MX1: variants seen among roughly 807,000 people sequenced by gnomAD.
MX1 encodes MX dynamin like GTPase 1.
In MX1, 66 loss-of-function variants were observed where a neutral mutation model predicts 66.4. The observed-to-expected ratio is 0.99, with a 90% CI of 0.82 to 1.22. MX1 has a LOEUF of 1.22. MX1 is among the 50% of genes most tolerant of loss of function. The pLI is 0.00. For missense variants in MX1, 787 were observed against 834.3 expected, an observed-to-expected ratio of 0.94 and a Z score of 0.70; for synonymous variants, 311 against 318.1, an observed-to-expected ratio of 0.98 and a Z score of 0.24.
chr21:41,443,287 G>A (rs1194100609), intron 10 of MX1, among the ~76,000 whole-genome samples: 3 of 152,204 alleles, frequency 2.0e-5, no homozygotes, highest in Non-Finnish European at 2.9e-5. Flanking sequence ...GATCGAGTGA[G>A]AAGATACTTG....
chr21:41,430,905 T>TTAGAGC (rs1449329709), intron 4 of MX1, among the ~76,000 whole-genome samples: 2 of 152,320 alleles, frequency 1.3e-5, no homozygotes, highest in African/African-American at 4.8e-5. Flanking sequence ...CATAAAAGAT[T>TTAGAGC]TAGAGCTCAC....
chr21:41,435,374 G>A (rs903276709), intron 5 of MX1, among the ~76,000 whole-genome samples: 18 of 152,018 alleles, frequency 1.2e-4, no homozygotes, highest in African/African-American at 4.4e-4. Flanking sequence ...TTCTCTTTTG[G>A]GGATTCCAGT....
At chr21:41,440,521 T>G (rs1296800954) in intron 8 of MX1, among the ~76,000 whole-genome samples, 2 of 152,180 alleles carry the variant, frequency 1.3e-5, no homozygotes, top group African/African-American at 4.8e-5. Context: ...GAAATAGGTA[T>G]AATGATATTT....
At chr21:41,432,198 C>T in intron 5 of MX1, 23 bp downstream of exon 5, 1 of 1,608,772 alleles carries the variant, frequency 6.2e-7, no homozygotes, top group Middle Eastern at 1.7e-4. Context: ...CTGAAAGTCG[C>T]TATCCATGTG....
intron 13 of MX1, among the ~76,000 whole-genome samples, chr21:41,447,001 TG>T (rs1466020531): frequency 6.6e-6 from 1 of 152,202 alleles, no homozygotes; most frequent in African/African-American, 2.4e-5. Context: ...CATCCACTGA[TG>T]AATTGATAAA....
chr21:41,452,954 T>G (rs1369672671), intron 16 of MX1, 85 bp downstream of exon 16: 1 of 1,508,990 alleles, frequency 6.6e-7, no homozygotes, highest in African/African-American at 1.4e-5. Flanking sequence ...GCTCTCTCTG[T>G]AGGTGACGTT....
At chr21:41,455,902 A>G (rs368889394) in intron 16 of MX1, among the ~76,000 whole-genome samples, 30 of 152,338 alleles carry the variant, frequency 2.0e-4, no homozygotes, top group East Asian at 9.6e-4. Flanking sequence ...TTCCTGGTAT[A>G]TTAGGATTGT....
At chr21:41,450,191 T>A (rs2090785655) in intron 14 of MX1, among the ~76,000 whole-genome samples, 1 of 152,246 alleles carries the variant, frequency 6.6e-6, no homozygotes, top group Non-Finnish European at 1.5e-5. Context: ...AATGGTTCCA[T>A]AACTGCACGT....
rs117527116 is a variant in MX1, at chr21:41,432,893, C to T, written c.105+718C>T. Among the ~76,000 whole-genome samples the T allele has an allele frequency of 3.3e-3, 506 of 152,248 alleles. 2 individuals are homozygous for T. The highest frequency in any genetic ancestry group is 4.7e-3 in the Non-Finnish European group (319 of 68,016). On this transcript the variant is annotated intron_variant, in intron 5 of 16. Coordinates refer to ENST00000398598, the MANE Select transcript of MX1 (RefSeq NM_002462.5). ...AAACAATATTCAAAAAACATTGAAG[C>T]GTTTAGAAAAATACAGAGGACCACC...
chr21:41,451,858 A>AAAAAG (rs2090840659), intron 15 of MX1, among the ~76,000 whole-genome samples: 4 of 138,222 alleles, frequency 2.9e-5, no homozygotes, highest in Admixed American at 1.4e-4. Flanking sequence ...AAAACAAACA[A>AAAAAG]AAAAACTTTC....
chr21:41,449,024 C>A, intron 13 of MX1, 113 bp from the exon 14 acceptor site: 98 of 743,328 alleles, frequency 1.3e-4, no homozygotes, highest in Middle Eastern at 4.7e-4. Context: ...TGATTTGATA[C>A]CACTTTTTCT....
In MX1 at chr21:41,440,893, A is replaced by T. The variant is rs867966653; in HGVS notation, c.598A>T (p.Thr200Ser). The T allele has an allele frequency of 1.9e-6, 3 of 1,614,156 alleles. No homozygotes were observed. The highest frequency in any genetic ancestry group is 3.3e-4 in the Middle Eastern group (2 of 6,062). The change falls in exon 9 of 17, where the codon ACA (threonine) becomes TCA (serine). Residue 200 changes from threonine to serine, a missense_variant. By Grantham distance (58) the Thr-to-Ser change is moderately conservative. Transcript: ENST00000398598. ...TCCTCTCATTTCCTTACAGATCAAGACACTCATCAAGAAGTACATCCAGAG... is the reference window on the plus strand; with the variant it reads ...TCCTCTCATTTCCTTACAGATCAAGTCACTCATCAAGAAGTACATCCAGAG... ...QPADIGYKIK[T>S]LIKKYIQRQE... is the part of the protein sequence containing the mutation.
In MX1 at chr21:41,441,906, A is replaced by G; in HGVS notation, c.921A>G (p.Pro307=). 2 of 1,613,992 alleles carry G rather than the reference A, an allele frequency of 1.2e-6. No individual in the cohort carries two copies. The highest frequency in any genetic ancestry group is 1.1e-5 in the South Asian group (1 of 91,080). The change falls in exon 10 of 17, where the codon CCA becomes CCG. Residue 307 remains proline, a synonymous_variant. Transcript: ENST00000398598. This position sits in a 1 kb window ranked among gnomAD's most constrained non-coding sequence, Gnocchi z 4.0. ...QREKIFFENH[P]YFRDLLEEGK... is the part of the protein sequence containing the mutation. The stretch of plus-strand genomic sequence containing the variant: ...AGAAGATCTTCTTTGAGAACCACCC[A>G]TATTTCAGGTGCGCTTGCCTGGGTT...
chr21:41,438,494 C>G (rs747624929), intron 7 of MX1, among the ~76,000 whole-genome samples: 1 of 152,186 alleles, frequency 6.6e-6, no homozygotes, highest in Non-Finnish European at 1.5e-5. Context: ...GAAGGCTAAG[C>G]TGGACTTATC....
intron 11 of MX1, among the ~76,000 whole-genome samples, chr21:41,444,081 T>G (rs2090592185): frequency 6.6e-6 from 1 of 152,122 alleles, no homozygotes; most frequent in African/African-American, 2.4e-5. Context: ...GGGACCACAG[T>G]CAGGGGGAAT....
chr21:41,456,769 GT>G (rs902830407), intron 16 of MX1, among the ~76,000 whole-genome samples: 6 of 150,796 alleles, frequency 4.0e-5, no homozygotes, highest in South Asian at 2.1e-4. Flanking sequence ...TGTTTGTTTG[GT>G]TTTTTTTTGG....
upstream of MX1, among the ~76,000 whole-genome samples, chr21:41,421,680 A>G (rs555471900): frequency 6.6e-6 from 1 of 152,234 alleles, no homozygotes; most frequent in Non-Finnish European, 1.5e-5. Flanking sequence ...GACACAGCAC[A>G]TGTTTCAGAG....
At chr21:41,423,245 G>T (rs745357360), upstream of MX1, 1 of 152,422 alleles carries the variant, frequency 6.6e-6, no homozygotes, top group African/African-American at 2.4e-5. Flanking sequence ...TGTGATGGCG[G>T]CAAACAACAG....
chr21:41,448,813 C>CAAATG (rs1355639061), intron 13 of MX1, among the ~76,000 whole-genome samples: 4 of 151,534 alleles, frequency 2.6e-5, no homozygotes. Flanking sequence ...CACAAACAAA[C>CAAATG]AAATGAAAAA....
Sources: gnomAD v4.1 joint callset for allele counts (sites outside exome capture counted in the v4.1 genomes callset) on GRCh38, gnomAD v4.1.1 for gene constraint, Gnocchi (gnomAD v3.1) non-coding constraint, MANE v1.5 for transcripts, NCBI Gene and HGNC (gene_info 2026-07-23, HGNC 2026-07-21) for gene names.